EFNA3: variants seen among roughly 807,000 people sequenced by gnomAD.
EFNA3 encodes ephrin-A3.
A neutral mutation model predicts 25.0 loss-of-function variants in EFNA3; 15 were observed. The ratio of observed to expected loss-of-function variants is 0.60; its 90% CI spans 0.40 to 0.92. The LOEUF (loss-of-function observed/expected upper bound fraction) is 0.92, where lower values mean the gene tolerates loss of function less well. Among genes scored for constraint, EFNA3 ranks in the 40% least tolerant of loss-of-function variants. The probability of loss-of-function intolerance (pLI) is 0.00; values close to 1 mark genes in which losing one functional copy is unlikely to be tolerated. For missense variants in EFNA3, 298 were observed against 323.8 expected (o/e 0.92, Z 0.61); for synonymous variants, 153 against 145.6 (o/e 1.05, Z -0.37).
chr1:155,086,029 G>A, intron 3 of EFNA3, 87 bp downstream of exon 3: 1 of 1,571,898 alleles, frequency 6.4e-7, no homozygotes, highest in Non-Finnish European at 8.6e-7. Flanking sequence ...GGGGCGGAGG[G>A]CACAGGTGAG....
At position 155,078,875 on chromosome 1, in the gene EFNA3, G is replaced by T. The variant is rs1663282111; in HGVS notation, c.-67G>T. The T allele has an allele frequency of 7.5e-7, 1 of 1,327,956 alleles. No individual in the cohort carries two copies. The highest frequency in any genetic ancestry group is 9.6e-7 in the Non-Finnish European group (1 of 1,041,054). 82.3% of individuals were successfully genotyped at this position (1,327,956 alleles called of 1,614,324 possible). ...GGGCCGACGGCGGCGGCAGCAGGGAGCTGGGAAGCGGAGAAGCCGGGAGCG... is the reference window on the plus strand; with the variant it reads ...GGGCCGACGGCGGCGGCAGCAGGGATCTGGGAAGCGGAGAAGCCGGGAGCG... On this transcript the variant is annotated 5_prime_UTR_variant, in exon 1 of 5. Coordinates refer to ENST00000368408, the MANE Select transcript of EFNA3 (RefSeq NM_004952.5).
At position 155,085,574 on chromosome 1, in the gene EFNA3, G is replaced by T; in HGVS notation, c.442+170G>T. On this transcript the variant is annotated intron_variant, in intron 2 of 4. Coordinates refer to ENST00000368408, the MANE Select transcript of EFNA3 (RefSeq NM_004952.5). The surrounding 1 kb of genome is among the most constrained non-coding windows in gnomAD (Gnocchi z 4.4). Reference sequence around the variant, plus strand: ...GACGCCTGAGGGGTTCAGCTCAGACGAGGTCGTGGGGCCAAGAGAGGAGTT... The same window carrying T: ...GACGCCTGAGGGGTTCAGCTCAGACTAGGTCGTGGGGCCAAGAGAGGAGTT... 1 of 852,524 alleles carries T rather than the reference G, an allele frequency of 1.2e-6. No individual in the cohort carries two copies. Among genetic ancestry groups the T allele is most frequent in the Middle Eastern group, 3.5e-4 (1 of 2,830 alleles). The allele number at this position is 852,524 out of a possible 1,614,324, so 52.8% of individuals were successfully genotyped here. A position where few individuals can be genotyped will look rare whatever the true frequency, so the allele number is the denominator to read the frequency against.
chr1:155,086,108 A>ACCCCC lies in EFNA3; in HGVS notation c.509-17_509-16insCCCCC. On this transcript the variant is annotated intron_variant, in intron 3 of 4. Transcript: ENST00000368408. Reference sequence around the variant, plus strand: ...CCTGACTCTCCCCTCCTCTCTCCCCACCCGCACCCCACCCCGCAGCATCGC... The same window carrying ACCCCC: ...CCTGACTCTCCCCTCCTCTCTCCCCACCCCCCCCGCACCCCACCCCGCAGCATCGC... 6 of 973,084 alleles carry ACCCCC rather than the reference A, an allele frequency of 6.2e-6. No individual in the cohort carries two copies. Among genetic ancestry groups the ACCCCC allele is most frequent in the African/African-American group, 1.8e-5 (1 of 55,716 alleles). The allele number at this position is 973,084 out of a possible 1,614,324, so 60.3% of individuals were successfully genotyped here.
In EFNA3 at chr1:155,081,825, T is replaced by G. The variant is rs1452715011; in HGVS notation, c.128+2756T>G. Among the ~76,000 whole-genome samples, 1 of 152,192 alleles carries G rather than the reference T, an allele frequency of 6.6e-6. No homozygotes were observed. The highest frequency in any genetic ancestry group is 1.5e-5 in the Non-Finnish European group (1 of 68,030). On this transcript the variant is annotated intron_variant, in intron 1 of 4. Coordinates refer to ENST00000368408, the MANE Select transcript of EFNA3 (RefSeq NM_004952.5). The surrounding 1 kb of genome is among the most constrained non-coding windows in gnomAD (Gnocchi z 5.2). ...TTCCCCTTTCAGTGAATCCGGCCTC[T>G]GCCACCCTCCCCTTGTCGGTGTGTG...
chr1:155,086,512 C>G lies in EFNA3; in HGVS notation c.686C>G (p.Ala229Gly), dbSNP rs772596232. The change falls in exon 5 of 5, where the codon GCC becomes GGC. Residue 229 changes from alanine to glycine, a missense_variant. By Grantham distance (60) the Ala-to-Gly change is moderately conservative (BLOSUM62 0). Transcript: ENST00000368408. The part of the protein sequence containing the change: ...REHLPLAVGI[A>G]FFLMTFLAS ...CACCTGCCCCTGGCCGTGGGCATCGCCTTCTTCCTCATGACGTTCTTGGCC... is the reference window on the plus strand; with the variant it reads ...CACCTGCCCCTGGCCGTGGGCATCGGCTTCTTCCTCATGACGTTCTTGGCC... 1.1e-5 allele frequency: 17 copies of G among 1,613,954 alleles called. No individual in the cohort carries two copies. The highest frequency in any genetic ancestry group is 3.3e-4 in the Middle Eastern group (2 of 6,082).
At position 155,085,679 on chromosome 1, in the gene EFNA3, C is replaced by T; in HGVS notation, c.443-198C>T. The stretch of plus-strand genomic sequence containing the variant: ...TCCGGGGTTGGAACATCAGGGATCC[C>T]AGTTTCTTGAGGGGTGGGACCAAAG... On this transcript the variant is annotated intron_variant, in intron 2 of 4. Transcript: ENST00000368408. The surrounding 1 kb of genome is among the most constrained non-coding windows in gnomAD (Gnocchi z 4.4). 4.3e-6 allele frequency: 3 copies of T among 693,940 alleles called. No individual in the cohort carries two copies. Among genetic ancestry groups the T allele is most frequent in the Non-Finnish European group, 7.1e-6 (3 of 420,574 alleles). 43.0% of individuals were successfully genotyped at this position (693,940 alleles called of 1,614,324 possible).
chr1:155,084,184 G>A (rs1663400051), intron 1 of EFNA3, among the ~76,000 whole-genome samples: 1 of 152,248 alleles, frequency 6.6e-6, no homozygotes, highest in Non-Finnish European at 1.5e-5. Context: ...GAGGAAGGAG[G>A]TGCACAATGA....
rs1252665116 is a variant in EFNA3 at position 155,085,191 on chromosome 1, CCGGGGCCCGGAGG to C, written c.236_248del (p.Pro79GlnfsTer9). On this transcript the variant is annotated frameshift_variant, in exon 2 of 5. Transcript: ENST00000368408. LOFTEE classifies it high-confidence loss of function. The surrounding 1 kb of genome is among the most constrained non-coding windows in gnomAD (Gnocchi z 4.4). ...CTCGGGGGTGGGCCCCGGGGCGGGA[CCGGGGCCCGGAGG>C]CGGGGCAGAGCAGTACGTGCTGTAC... 6.2e-7 allele frequency: 1 copy of C among 1,612,936 alleles called. No homozygotes were observed. The highest frequency in any genetic ancestry group is 1.1e-5 in the South Asian group (1 of 91,064).
In EFNA3 at chr1:155,085,244, C is replaced by T. The variant is rs986928720; in HGVS notation, c.282C>T (p.Asn94=). The T allele has an allele frequency of 6.8e-6, 11 of 1,612,680 alleles. No individual in the cohort carries two copies. Among genetic ancestry groups the T allele is most frequent in the African/African-American group, 1.3e-5 (1 of 74,906 alleles). The change falls in exon 2 of 5, where the codon AAC becomes AAT. Residue 94 remains asparagine (N), a synonymous_variant. Coordinates refer to ENST00000368408, the MANE Select transcript of EFNA3 (RefSeq NM_004952.5). This position sits in a 1 kb window ranked among gnomAD's most constrained non-coding sequence, Gnocchi z 4.4. ...ACGTGCTGTACATGGTGAGCCGCAA[C>T]GGCTACCGCACCTGCAACGCCAGCC... ...EQYVLYMVSR[N]GYRTCNASQG...
In EFNA3 at chr1:155,085,294, A is replaced by G. The variant is rs1254865127; in HGVS notation, c.332A>G (p.Asn111Ser). 6.2e-7 allele frequency: 1 copy of G among 1,613,008 alleles called. No homozygotes were observed. Among genetic ancestry groups the G allele is most frequent in the South Asian group, 1.1e-5 (1 of 91,002 alleles). Reference protein sequence around the residue: ...ASQGFKRWECNRPHAPHSPIK... With the variant: ...ASQGFKRWECSRPHAPHSPIK... ...CAGGGCTTCAAGCGCTGGGAGTGCA[A>G]CCGGCCGCACGCCCCGCACAGCCCC... is the stretch of plus-strand genomic sequence containing the variant. The change falls in exon 2 of 5, where the codon AAC (asparagine) becomes AGC (serine). Residue 111 changes from asparagine (N) to serine (S), a missense_variant. Asn to Ser is a conservative substitution (Grantham distance 46). Coordinates refer to ENST00000368408, the MANE Select transcript of EFNA3 (RefSeq NM_004952.5). The surrounding 1 kb of genome is among the most constrained non-coding windows in gnomAD (Gnocchi z 4.4).
chr1:155,079,132 C>A lies in EFNA3; in HGVS notation c.128+63C>A. ...CAGTGAGAGGGGGAGCCGGTGGGCC[C>A]GAGAAGTCCTGGGGGATCCCGGGGT... On this transcript the variant is annotated intron_variant, in intron 1 of 4. Coordinates refer to ENST00000368408, the MANE Select transcript of EFNA3 (RefSeq NM_004952.5). This position sits in a 1 kb window ranked among gnomAD's most constrained non-coding sequence, Gnocchi z 7.7. The A allele has an allele frequency of 7.9e-7, 1 of 1,269,960 alleles. No homozygotes were observed. The highest frequency in any genetic ancestry group is 1.0e-6 in the Non-Finnish European group (1 of 999,810). The allele number at this position is 1,269,960 out of a possible 1,614,324, so 78.7% of individuals were successfully genotyped here.
rs989514762 is a variant in EFNA3, at chr1:155,087,292, G to A, written c.*749G>A. ...ACCAGGCTAGGCCCCCCACACCTGG[G>A]GGACCCCCTGGCCCCTCTTTTGTCT... On this transcript the variant is annotated 3_prime_UTR_variant, in exon 5 of 5. Coordinates refer to ENST00000368408, the MANE Select transcript of EFNA3 (RefSeq NM_004952.5). 6.6e-6 allele frequency: 1 copy of A among 151,758 alleles called. No homozygotes were observed. Among genetic ancestry groups the A allele is most frequent in the Non-Finnish European group, 1.5e-5 (1 of 67,750 alleles). 9.4% of individuals were successfully genotyped at this position (151,758 alleles called of 1,614,324 possible).
rs954382877 is a variant in EFNA3, at chr1:155,081,008, A to G, written c.128+1939A>G. ...CTGGGGGCGGGGCCGACCGAGCCAC[A>G]GGCTCCCGCGCCCCCTCCCCCTAGT... On this transcript the variant is annotated intron_variant, in intron 1 of 4. Transcript: ENST00000368408. The surrounding 1 kb of genome is among the most constrained non-coding windows in gnomAD (Gnocchi z 5.2). Among the ~76,000 whole-genome samples the G allele has an allele frequency of 4.6e-5, 7 of 152,050 alleles. No homozygotes were observed. Among genetic ancestry groups the G allele is most frequent in the Non-Finnish European group, 8.8e-5 (6 of 67,968 alleles).
chr1:155,082,769 G>A (rs1663368837), intron 1 of EFNA3, among the ~76,000 whole-genome samples: 1 of 152,232 alleles, frequency 6.6e-6, no homozygotes, highest in Non-Finnish European at 1.5e-5. Context: ...CTAGAGGCGG[G>A]GTTAGCTGCG....
Position 155,085,222 on chromosome 1 carries a change from T to G in EFNA3, c.260T>G (p.Val87Gly). ...CCCGGAGGCGGGGCAGAGCAGTACG[T>G]GCTGTACATGGTGAGCCGCAACGGC... ...PGPGGGAEQY[V>G]LYMVSRNGYR... is the part of the protein sequence containing the mutation. Residue 87 changes from valine to glycine, a missense_variant, in exon 2 of 5, where the codon GTG becomes GGG. Transcript: ENST00000368408. This position sits in a 1 kb window ranked among gnomAD's most constrained non-coding sequence, Gnocchi z 4.4. The G allele has an allele frequency of 6.2e-7, 1 of 1,612,966 alleles. No individual in the cohort carries two copies. Among genetic ancestry groups the G allele is most frequent in the East Asian group, 2.2e-5 (1 of 44,838 alleles).
chr1:155,085,173 G>A lies in EFNA3; in HGVS notation c.211G>A (p.Val71Met), dbSNP rs139404791. 30 of 1,555,392 alleles carry A rather than the reference G, an allele frequency of 1.9e-5. No homozygotes were observed. The highest frequency in any genetic ancestry group is 3.6e-4 in the Middle Eastern group (2 of 5,620). The change falls in exon 2 of 5, where the codon GTG becomes ATG. Residue 71 changes from valine (V) to methionine (M), a missense_variant. Transcript: ENST00000368408. The surrounding 1 kb of genome is among the most constrained non-coding windows in gnomAD (Gnocchi z 4.4). ...CTGCCCGCACTACAACAGCTCGGGG[G>A]TGGGCCCCGGGGCGGGACCGGGGCC... ...IYCPHYNSSGVGPGAGPGPGG... is the reference protein window; with the variant it reads ...IYCPHYNSSGMGPGAGPGPGG...
Position 155,087,354 on chromosome 1 carries a change from T to G in EFNA3, c.*811T>G, listed in dbSNP as rs1663494427. On this transcript the variant is annotated 3_prime_UTR_variant, in exon 5 of 5. Transcript: ENST00000368408. Reference sequence around the variant, plus strand: ...AGGACCTATGCAACGCACAGACACTTTTGGAGACCGTAAAACAACAACGCC... The same window carrying G: ...AGGACCTATGCAACGCACAGACACTGTTGGAGACCGTAAAACAACAACGCC... 1 of 152,506 alleles carries G rather than the reference T, an allele frequency of 6.6e-6. No individual in the cohort carries two copies. The highest frequency in any genetic ancestry group is 6.6e-5 in the Admixed American group (1 of 15,266). The allele number at this position is 152,506 out of a possible 1,614,324, so 9.4% of individuals were successfully genotyped here. A position where few individuals can be genotyped will look rare whatever the true frequency, so the allele number is the denominator to read the frequency against.
rs1663336545 is a variant in EFNA3 at position 155,081,212 on chromosome 1, CCACT to C, written c.128+2146_128+2149del. On this transcript the variant is annotated intron_variant, in intron 1 of 4. Coordinates refer to ENST00000368408, the MANE Select transcript of EFNA3 (RefSeq NM_004952.5). The surrounding 1 kb of genome is among the most constrained non-coding windows in gnomAD (Gnocchi z 5.2). The stretch of plus-strand genomic sequence containing the variant: ...CGGCCGCGACCTAGCCCTCTGCCCC[CCACT>C]CAGTACTTCCATTTAGTCCCGTGGA... Among the ~76,000 whole-genome samples, 1 of 152,228 alleles carries C rather than the reference CCACT, an allele frequency of 6.6e-6. No homozygotes were observed. The highest frequency in any genetic ancestry group is 2.1e-4 in the South Asian group (1 of 4,838).
chr1:155,082,829 A>G (rs1264695759), intron 1 of EFNA3, among the ~76,000 whole-genome samples: 2 of 151,020 alleles, frequency 1.3e-5, no homozygotes, highest in East Asian at 1.9e-4. Flanking sequence ...TGCTAGGGAG[A>G]AGGAGGGAGG....
Sources: gnomAD v4.1 joint callset for allele counts (sites outside exome capture counted in the v4.1 genomes callset) on GRCh38, gnomAD v4.1.1 for gene constraint, Gnocchi (gnomAD v3.1) non-coding constraint, MANE v1.5 for transcripts, NCBI Gene and HGNC (gene_info 2026-07-23, HGNC 2026-07-21) for gene names.